The following DENND1B variants were observed in gnomAD, a reference collection of about 807,000 sequenced individuals.
DENND1B encodes the protein DENN domain containing 1B, also known as DENN domain-containing protein 1B.
In DENND1B, 59 loss-of-function variants were observed where a neutral mutation model predicts 90.1. The ratio of observed to expected loss-of-function variants is 0.65; its 90% CI spans 0.53 to 0.81. The LOEUF is 0.81. DENND1B is among the 40% of genes least tolerant of loss of function. The pLI, the probability that DENND1B is intolerant of heterozygous loss-of-function variation, is 0.00. For missense variants in DENND1B, 862 were observed against 912.6 expected, an observed-to-expected ratio of 0.94 and a Z score of 0.71; for synonymous variants, 337 against 324.6, an observed-to-expected ratio of 1.04 and a Z score of -0.41.
chr1:197,670,256 T>C (rs147447697), intron 5 of DENND1B, among the ~76,000 whole-genome samples: 6 of 152,302 alleles, frequency 3.9e-5, no homozygotes, highest in Admixed American at 1.3e-4. Flanking sequence ...GAATGATTAA[T>C]AAGTTCAATG....
chr1:197,780,267 G>A (rs1341500786), upstream of DENND1B, among the ~76,000 whole-genome samples: 1 of 151,830 alleles, frequency 6.6e-6, no homozygotes, highest in East Asian at 1.9e-4. Flanking sequence ...AACAGTTCAT[G>A]GTCTTCCAGT....
At chr1:197,618,215 C>T (rs1677835044) in intron 10 of DENND1B, among the ~76,000 whole-genome samples, 1 of 151,000 alleles carries the variant, frequency 6.6e-6, no homozygotes, top group African/African-American at 2.4e-5. Flanking sequence ...AAACATGAGC[C>T]AGTTAGGAGA....
chr1:197,767,697 A>T (rs1295804550), intron 2 of DENND1B, among the ~76,000 whole-genome samples: 1 of 152,216 alleles, frequency 6.6e-6, no homozygotes, highest in East Asian at 1.9e-4. Flanking sequence ...AAATCCTAAA[A>T]ATGAAAAGTG....
intron 13 of DENND1B, among the ~76,000 whole-genome samples, chr1:197,604,178 C>T (rs1489432535): frequency 2.4e-5 from 2 of 84,852 alleles, no homozygotes; most frequent in East Asian, 4.1e-4. Context: ...ATTAAAATCA[C>T]TCCCAATAAA....
intron 7 of DENND1B, among the ~76,000 whole-genome samples, chr1:197,649,728 T>C (rs1174797226): frequency 6.6e-6 from 1 of 152,154 alleles, no homozygotes; most frequent in East Asian, 1.9e-4. Flanking sequence ...TCAAGATTGA[T>C]CAAGGACTTA....
intron 2 of DENND1B, among the ~76,000 whole-genome samples, chr1:197,768,433 A>C (rs1418893964): frequency 6.6e-6 from 1 of 152,200 alleles, no homozygotes; most frequent in Non-Finnish European, 1.5e-5. Flanking sequence ...TGAAGTCTTA[A>C]GTCACTTTGG....
In DENND1B at chr1:197,687,626, T is replaced by C. The variant is rs145123582; in HGVS notation, c.127-13457A>G. Among the ~76,000 whole-genome samples the C allele has an allele frequency of 1.3e-3, 201 of 152,136 alleles. 1 individual carries two copies. The highest frequency in any genetic ancestry group is 4.6e-3 in the African/African-American group (192 of 41,556). ...GACAAAATTCAACACTTTTTCATAA[T>C]AAAAAATCTCAACAAACTACAAACA... is the stretch of plus-strand genomic sequence containing the variant. On this transcript the variant is annotated intron_variant, in intron 3 of 22. Transcript: ENST00000620048.
At chr1:197,653,897 C>A (rs570541787) in intron 6 of DENND1B, among the ~76,000 whole-genome samples, 25 of 152,080 alleles carry the variant, frequency 1.6e-4, no homozygotes, top group African/African-American at 5.6e-4. Context: ...GAAATTATCA[C>A]GAATAATTTA....
intron 2 of DENND1B, among the ~76,000 whole-genome samples, chr1:197,737,890 A>T (rs940167908): frequency 3.9e-5 from 6 of 152,338 alleles, no homozygotes; most frequent in Non-Finnish European, 5.9e-5. Flanking sequence ...TTGAGGAAAT[A>T]AAGCATTACT....
chr1:197,704,068 A>T (rs1281374410), intron 3 of DENND1B, among the ~76,000 whole-genome samples: 3 of 151,980 alleles, frequency 2.0e-5, no homozygotes, highest in Non-Finnish European at 4.4e-5. Context: ...ATAGGGTGAG[A>T]CCCCATCTCT....
intron 5 of DENND1B, among the ~76,000 whole-genome samples, chr1:197,660,532 T>C (rs1654306566): frequency 6.6e-6 from 1 of 151,906 alleles, no homozygotes; most frequent in Admixed American, 6.6e-5. Context: ...GTCTCCAGAC[T>C]GAAAGAATGA....
At chr1:197,757,656 C>A (rs905434855) in intron 2 of DENND1B, among the ~76,000 whole-genome samples, 1 of 152,140 alleles carries the variant, frequency 6.6e-6, no homozygotes, top group Admixed American at 6.5e-5. Flanking sequence ...AGATTTATAT[C>A]AATGATATAA....
chr1:197,728,944 A>G (rs968886265), intron 2 of DENND1B, among the ~76,000 whole-genome samples: 2 of 152,150 alleles, frequency 1.3e-5, no homozygotes, highest in Non-Finnish European at 2.9e-5. Flanking sequence ...ACCAACTCCA[A>G]TGCAAATTTT....
chr1:197,677,555 A>C (rs1391919041), intron 3 of DENND1B, among the ~76,000 whole-genome samples: 1 of 152,142 alleles, frequency 6.6e-6, no homozygotes, highest in Non-Finnish European at 1.5e-5. Flanking sequence ...TCAATTTCAT[A>C]ACTATCTTGC....
chr1:197,598,312 C>G (rs1423724542), intron 13 of DENND1B, among the ~76,000 whole-genome samples: 1 of 151,684 alleles, frequency 6.6e-6, no homozygotes, highest in African/African-American at 2.4e-5. Flanking sequence ...TCTACATGGG[C>G]AAATGAATGC....
chr1:197,739,979 T>A (rs1340429559), intron 2 of DENND1B, among the ~76,000 whole-genome samples: 1 of 152,230 alleles, frequency 6.6e-6, no homozygotes, highest in Non-Finnish European at 1.5e-5. Flanking sequence ...TATGAAAATT[T>A]TGCACTATCA....
Position 197,606,609 on chromosome 1 carries a change from T to C in DENND1B, c.921+464A>G, listed in dbSNP as rs1465069604. 4 of 152,376 alleles carry C rather than the reference T, an allele frequency of 2.6e-5. 1 individual carries two copies. The Admixed American group carries it at 2.6e-4, about 10-fold the overall frequency. The allele number at this position is 152,376 out of a possible 1,614,324, so 9.4% of individuals were successfully genotyped here. ...CTGACCCCAACTGTACAAGCATTTC[T>C]TATTATATTGACCAGTAACATCAGA... On this transcript the variant is annotated intron_variant, in intron 13 of 22. Transcript: ENST00000620048.
chr1:197,747,458 G>A lies in DENND1B; in HGVS notation c.82+25410C>T, dbSNP rs556469981. The A allele has an allele frequency of 7.5e-4, 251 of 334,974 alleles. 2 individuals carry two copies. Among genetic ancestry groups the A allele is most frequent in the Middle Eastern group, 2.8e-3 (7 of 2,494 alleles). 20.8% of individuals were successfully genotyped at this position (334,974 alleles called of 1,614,324 possible). On this transcript the variant is annotated intron_variant, in intron 2 of 22. Transcript: ENST00000620048. ...GTAGCAGCCCACTCCACATCTTTTC[G>A]TCTGTCAGGAAGCGGTCACCTGGCA...
At chr1:197,552,880 A>G in intron 16 of DENND1B, 142 bp downstream of exon 16, 1 of 1,445,164 alleles carries the variant, frequency 6.9e-7, no homozygotes, top group Non-Finnish European at 9.0e-7. Context: ...AGCTTTTATA[A>G]GATGAAAAAT....
Sources: allele counts gnomAD v4.1 joint callset (sites outside exome capture counted in the v4.1 genomes callset), GRCh38; gene constraint gnomAD v4.1.1; transcripts MANE v1.5; gene names NCBI Gene and HGNC (gene_info 2026-07-23, HGNC 2026-07-21).